Variants in MTMR9 observed in about 807,000 individuals in gnomAD.
The protein encoded by MTMR9 is myotubularin-related protein 9.
In MTMR9, 39 loss-of-function variants were observed where a neutral mutation model predicts 69.5. That is an observed-to-expected ratio of 0.56 (90% CI 0.43 to 0.73). The LOEUF (loss-of-function observed/expected upper bound fraction) is 0.73. Ranked by LOEUF, MTMR9 falls within the 30% of genes least tolerant of loss-of-function variation. MTMR9 has a pLI of 0.00. For missense variants in MTMR9, 900 were observed against 671.2 expected, an observed-to-expected ratio of 1.34 and a Z score of -3.77; for synonymous variants, 354 against 240.8, an observed-to-expected ratio of 1.47 and a Z score of -4.35.
chr8:11,285,176 C>G (rs1472622170), intron 1 of MTMR9, 106 bp downstream of exon 1: 2 of 1,152,060 alleles, frequency 1.7e-6, no homozygotes, highest in South Asian at 1.6e-5. Flanking sequence ...CCCAGCTAGC[C>G]GGCAAGATGA....
At chr8:11,317,127 A>T (rs1037508264) in intron 8 of MTMR9, 1 of 317,914 alleles carries the variant, frequency 3.1e-6, no homozygotes, top group Non-Finnish European at 5.7e-6. Flanking sequence ...TTAAGGGGCA[A>T]CCATTTTAAA....
At chr8:11,298,251 G>GT (rs1799625287) in intron 2 of MTMR9, among the ~76,000 whole-genome samples, 1 of 152,178 alleles carries the variant, frequency 6.6e-6, no homozygotes, top group South Asian at 2.1e-4. Flanking sequence ...TGTGAGAGTG[G>GT]TTGCTGACTT....
chr8:11,311,406 T>G (rs145221712), intron 6 of MTMR9, among the ~76,000 whole-genome samples: 1 of 152,224 alleles, frequency 6.6e-6, no homozygotes, highest in East Asian at 1.9e-4. Context: ...CTTAGAGATG[T>G]TGCAGGTTTG....
At chr8:11,312,467 C>G (rs1414248801) in intron 6 of MTMR9, among the ~76,000 whole-genome samples, 1 of 152,176 alleles carries the variant, frequency 6.6e-6, no homozygotes, top group Non-Finnish European at 1.5e-5. Flanking sequence ...CTGCCTTGGG[C>G]TCCATAGATG....
In MTMR9 at chr8:11,315,002, T is replaced by C. The variant is rs1800355752; in HGVS notation, c.1051T>C (p.Leu351=). The change falls in exon 7 of 10, where the codon TTA becomes CTA. Residue 351 remains leucine (L), a synonymous_variant. Coordinates refer to ENST00000221086, the MANE Select transcript of MTMR9 (RefSeq NM_015458.4). ...GGTGACCTCCTTGGCCCAGATCATCTTAGAGCCAAGAAGCAGGACCATTCG... is the reference window on the plus strand; with the variant it reads ...GGTGACCTCCTTGGCCCAGATCATCCTAGAGCCAAGAAGCAGGACCATTCG... ...LQVTSLAQII[L]EPRSRTIRGF... is the part of the protein sequence containing the mutation. 2.5e-6 allele frequency: 4 copies of C among 1,613,914 alleles called. No individual in the cohort carries two copies. The highest frequency in any genetic ancestry group is 3.4e-6 in the Non-Finnish European group (4 of 1,179,938).
chr8:11,287,974 A>G (rs1289366052), intron 1 of MTMR9, among the ~76,000 whole-genome samples: 1 of 127,744 alleles, frequency 7.8e-6, no homozygotes, highest in Non-Finnish European at 1.6e-5. Flanking sequence ...TGTATTATAT[A>G]TGTATTATAT....
At chr8:11,329,286 C>G (rs184783367), downstream of MTMR9, among the ~76,000 whole-genome samples, 18 of 152,340 alleles carry the variant, frequency 1.2e-4, no homozygotes, top group African/African-American at 4.3e-4. Flanking sequence ...CCTTGCTACT[C>G]AGAAGCTGGA....
chr8:11,300,100 C>A lies in MTMR9; in HGVS notation c.369C>A (p.Gly123=). 14 of 1,613,632 alleles carry A rather than the reference C, an allele frequency of 8.7e-6. No individual in the cohort carries two copies. Among genetic ancestry groups the A allele is most frequent in the Non-Finnish European group, 1.2e-5 (14 of 1,179,682 alleles). Residue 123 remains glycine (G), a synonymous_variant, in exon 3 of 10, where the codon GGC becomes GGA. Coordinates refer to ENST00000221086, the MANE Select transcript of MTMR9 (RefSeq NM_015458.4). The part of the protein sequence containing the change: ...YRPMFEVIED[G]WHSFLPEQEF... ...CTATGTTTGAAGTGATAGAAGATGG[C>A]TGGCATTCCTTCCTTCCTGAGCAAG...
Position 11,295,272 on chromosome 8 carries a change from G to T in MTMR9, c.261G>T (p.Glu87Asp), listed in dbSNP as rs1237123934. Residue 87 changes from glutamate to aspartate, a missense_variant, in exon 2 of 10, where the codon GAG (glutamate) becomes GAT (aspartate). Transcript: ENST00000221086. The part of the protein sequence containing the change: ...RIIQLDIPGM[E>D]ECLNIASSIE... ...TTCAGTTGGATATTCCTGGAATGGA[G>T]GAATGCTTGAATATAGCCAGTTCCA... 2 of 1,608,618 alleles carry T rather than the reference G, an allele frequency of 1.2e-6. No individual in the cohort carries two copies. The highest frequency in any genetic ancestry group is 1.7e-6 in the Non-Finnish European group (2 of 1,175,660).
At chr8:11,331,349 C>T (rs776516733), downstream of MTMR9, 62 of 1,613,880 alleles carry the variant, frequency 3.8e-5, no homozygotes, top group South Asian at 6.6e-4. Context: ...TCTTCCACCT[C>T]CCTATTGCCC....
At chr8:11,338,517 A>T in the MTMR9 span, among the ~76,000 whole-genome samples, 18 of 152,300 alleles carry the variant, frequency 1.2e-4, no homozygotes, top group East Asian at 2.3e-3. Flanking sequence ...TTCAGTGGAA[A>T]GGTAGACATA....
Position 11,325,512 on chromosome 8 carries a change from A to G in MTMR9, c.*2724A>G, listed in dbSNP as rs368831507. The G allele has an allele frequency of 2.1e-3, 325 of 152,338 alleles. 1 individual carries two copies. The highest frequency in any genetic ancestry group is 7.4e-3 in the African/African-American group (309 of 41,578). The allele number at this position is 152,338 out of a possible 1,614,324, so 9.4% of individuals were successfully genotyped here. The stretch of plus-strand genomic sequence containing the variant: ...GGGATAATCAGATTCCTGCGTATTC[A>G]GCATCTTCTCTATTCATGTGGAGTG... On this transcript the variant is annotated 3_prime_UTR_variant, in exon 10 of 10. Coordinates refer to ENST00000221086, the MANE Select transcript of MTMR9 (RefSeq NM_015458.4).
chr8:11,332,166 A>G (rs769005148), downstream of MTMR9: 6 of 1,609,236 alleles, frequency 3.7e-6, no homozygotes, highest in South Asian at 5.5e-5. Context: ...ACAGGGATAA[A>G]TAAAGACAAA....
chr8:11,309,009 C>T (rs1418827676), intron 5 of MTMR9, among the ~76,000 whole-genome samples: 1 of 152,148 alleles, frequency 6.6e-6, no homozygotes, highest in Non-Finnish European at 1.5e-5. Context: ...TTAATTTCTC[C>T]CCATATCGAC....
chr8:11,321,352 T>G (rs1215394054), intron 9 of MTMR9: 1 of 455,122 alleles, frequency 2.2e-6, no homozygotes, highest in East Asian at 7.0e-5. Flanking sequence ...GGTTACAGTA[T>G]TCTTCCTGTT....
intron 1 of MTMR9, among the ~76,000 whole-genome samples, chr8:11,294,499 A>ATTTTTTTTTTT (rs1799478410): frequency 9.5e-5 from 8 of 83,786 alleles, no homozygotes; most frequent in South Asian, 3.8e-4. Context: ...AAATACTTTC[A>ATTTTTTTTTTT]CTTTTTTTTT....
Position 11,322,871 on chromosome 8 carries a change from A to T in MTMR9, c.*83A>T. 2 of 1,322,418 alleles carry T rather than the reference A, an allele frequency of 1.5e-6. No individual in the cohort carries two copies. Among genetic ancestry groups the T allele is most frequent in the Non-Finnish European group, 2.1e-6 (2 of 956,540 alleles). The allele number at this position is 1,322,418 out of a possible 1,614,324, so 81.9% of individuals were successfully genotyped here. ...CTTGTGCCCTTCAGTTCACTTTTACACGGTAGCCTTGAAGTGAAGGCTTTA... is the reference window on the plus strand; with the variant it reads ...CTTGTGCCCTTCAGTTCACTTTTACTCGGTAGCCTTGAAGTGAAGGCTTTA... On this transcript the variant is annotated 3_prime_UTR_variant, in exon 10 of 10. Transcript: ENST00000221086.
In MTMR9 at chr8:11,327,669, G is replaced by A. The variant is rs1800999337; in HGVS notation, c.*4881G>A. On this transcript the variant is annotated 3_prime_UTR_variant, in exon 10 of 10. Coordinates refer to ENST00000221086, the MANE Select transcript of MTMR9 (RefSeq NM_015458.4). ...TTGGATTGTTCTCTTGATAATATTT[G>A]AATGTGACTCTTGGATTTAAGTGCA... The A allele has an allele frequency of 6.6e-6, 1 of 152,590 alleles. No homozygotes were observed. Among genetic ancestry groups the A allele is most frequent in the African/African-American group, 2.4e-5 (1 of 41,436 alleles). The allele number at this position is 152,590 out of a possible 1,614,324, so 9.5% of individuals were successfully genotyped here.
rs572812284 is a variant in MTMR9 at position 11,311,721 on chromosome 8, A to T, written c.971+2033A>T. Among the ~76,000 whole-genome samples, 3 of 152,274 alleles carry T rather than the reference A, an allele frequency of 2.0e-5. No individual in the cohort carries two copies. In the East Asian group the frequency reaches 5.8e-4, roughly 29 times the overall value. ...TTTCTTAGACAAGACAGCAATGAAG[A>T]TTGCCGCATCAATTGACTCTTCCTT... On this transcript the variant is annotated intron_variant, in intron 6 of 9. Transcript: ENST00000221086.
Sources: gnomAD v4.1 joint callset for allele counts (sites outside exome capture counted in the v4.1 genomes callset) on GRCh38, gnomAD v4.1.1 for gene constraint, MANE v1.5 for transcripts, NCBI Gene and HGNC (gene_info 2026-07-23, HGNC 2026-07-21) for gene names.